UBE2E2: variants seen among roughly 807,000 people sequenced by gnomAD.
The protein encoded by UBE2E2 is ubiquitin-conjugating enzyme E2 E2.
Under a neutral mutation model 24.7 loss-of-function variants are expected in UBE2E2, and 6 were observed. The observed-to-expected ratio is 0.24, with a 90% CI of 0.13 to 0.48. UBE2E2 has a LOEUF of 0.48. Ranked by LOEUF, UBE2E2 falls within the 20% of genes least tolerant of loss-of-function variation. UBE2E2 has a pLI of 0.99. For synonymous variants in UBE2E2, 104 were observed against 83.6 expected (o/e 1.24, Z -1.33); for missense variants, 169 against 245.0 (o/e 0.69, Z 2.07).
chr3:23,583,247 G>C lies in UBE2E2; in HGVS notation c.509-6487G>C, dbSNP rs1238607653. 6.6e-6 allele frequency among the ~76,000 whole-genome samples: 1 copy of C among 152,020 alleles called. No homozygotes were observed. Among genetic ancestry groups the C allele is most frequent in the East Asian group, 1.9e-4 (1 of 5,186 alleles). On this transcript the variant is annotated intron_variant, in intron 5 of 5. Coordinates refer to ENST00000396703, the MANE Select transcript of UBE2E2 (RefSeq NM_152653.4). The surrounding 1 kb of genome is among the most constrained non-coding windows in gnomAD (Gnocchi z 4.1). ...AAAGATCAGATGGTCGTAAATATGTGGCATTATTTCTGGGCTCTTTATTTT... is the reference window on the plus strand; with the variant it reads ...AAAGATCAGATGGTCGTAAATATGTCGCATTATTTCTGGGCTCTTTATTTT...
chr3:23,273,389 G>T (rs1252414913), intron 3 of UBE2E2, among the ~76,000 whole-genome samples: 3 of 152,130 alleles, frequency 2.0e-5, no homozygotes, highest in Non-Finnish European at 2.9e-5. Context: ...AAATTAGCCG[G>T]GCGTGATGGC....
At chr3:23,357,863 A>G (rs796526114) in intron 3 of UBE2E2, among the ~76,000 whole-genome samples, 3 of 152,222 alleles carry the variant, frequency 2.0e-5, no homozygotes, top group African/African-American at 7.2e-5. Context: ...TTTTGACACA[A>G]GGTCTCACGC....
At chr3:23,263,758 C>T (rs1697965406) in intron 3 of UBE2E2, among the ~76,000 whole-genome samples, 1 of 152,098 alleles carries the variant, frequency 6.6e-6, no homozygotes, top group Non-Finnish European at 1.5e-5. Context: ...CATTGAAAGT[C>T]CTGACTTCAT....
At chr3:23,234,924 G>A (rs1187937229) in intron 3 of UBE2E2, among the ~76,000 whole-genome samples, 1 of 152,272 alleles carries the variant, frequency 6.6e-6, no homozygotes, top group East Asian at 1.9e-4. Context: ...TTGAAAGAAT[G>A]TCAGGCGCTG....
At chr3:23,429,224 C>T (rs1237864869) in intron 3 of UBE2E2, among the ~76,000 whole-genome samples, 1 of 152,128 alleles carries the variant, frequency 6.6e-6, no homozygotes, top group Non-Finnish European at 1.5e-5. Context: ...AGAAATTATA[C>T]CAATTTTCTC....
chr3:23,223,627 G>A (rs1559445637), intron 3 of UBE2E2, among the ~76,000 whole-genome samples: 1 of 152,068 alleles, frequency 6.6e-6, no homozygotes, highest in Non-Finnish European at 1.5e-5. Context: ...TCTGTGTGTT[G>A]TCTCTTCACT....
Position 23,293,028 on chromosome 3 carries a change from G to A in UBE2E2, c.227+75716G>A, listed in dbSNP as rs145027823. Among the ~76,000 whole-genome samples, 658 of 152,244 alleles carry A rather than the reference G, an allele frequency of 4.3e-3. 2 individuals are homozygous for A. The highest frequency in any genetic ancestry group is 0.014 in the Middle Eastern group (4 of 294). On this transcript the variant is annotated intron_variant, in intron 3 of 5. Coordinates refer to ENST00000396703, the MANE Select transcript of UBE2E2 (RefSeq NM_152653.4). ...GTGGAGATTGCAGTGAGCCAAGATT[G>A]CACCATTGCACTCCAGCCTGGGCAA... is the stretch of plus-strand genomic sequence containing the variant.
At chr3:23,382,080 T>A (rs1575596565) in intron 3 of UBE2E2, among the ~76,000 whole-genome samples, 1 of 152,342 alleles carries the variant, frequency 6.6e-6, no homozygotes, top group South Asian at 2.1e-4. Context: ...TAATTTTACT[T>A]ATGATTGTCA....
intron 3 of UBE2E2, among the ~76,000 whole-genome samples, chr3:23,247,281 G>A (rs1697437349): frequency 2.6e-5 from 4 of 151,492 alleles, no homozygotes; most frequent in African/African-American, 7.3e-5. Context: ...TTCTGGTACT[G>A]TATTGTCTTA....
intron 3 of UBE2E2, among the ~76,000 whole-genome samples, chr3:23,466,500 A>C (rs1262060744): frequency 2.0e-5 from 3 of 152,214 alleles, no homozygotes; most frequent in African/African-American, 7.2e-5. Flanking sequence ...TATTTTGTCC[A>C]GCTTCAAAAC....
chr3:23,365,025 G>C (rs370608327), intron 3 of UBE2E2, among the ~76,000 whole-genome samples: 2 of 152,154 alleles, frequency 1.3e-5, no homozygotes, highest in East Asian at 3.9e-4. Flanking sequence ...AAAATCACAT[G>C]ATCCTCTAAA....
chr3:23,331,411 A>C (rs1695054384), intron 3 of UBE2E2, among the ~76,000 whole-genome samples: 1 of 152,184 alleles, frequency 6.6e-6, no homozygotes, highest in Non-Finnish European at 1.5e-5. Flanking sequence ...AAAATGAACA[A>C]ATAAACTATA....
intron 3 of UBE2E2, among the ~76,000 whole-genome samples, chr3:23,316,769 G>A (rs1230382135): frequency 6.6e-6 from 1 of 152,034 alleles, no homozygotes; most frequent in Non-Finnish European, 1.5e-5. Flanking sequence ...TACTACCTTG[G>A]CTACTGCTGC....
chr3:23,309,769 G>C (rs1694307040), intron 3 of UBE2E2, among the ~76,000 whole-genome samples: 1 of 152,174 alleles, frequency 6.6e-6, no homozygotes, highest in Non-Finnish European at 1.5e-5. Flanking sequence ...CTACTTTCAA[G>C]TTAGCTCAGT....
intron 3 of UBE2E2, among the ~76,000 whole-genome samples, chr3:23,482,686 C>T (rs1411119373): frequency 6.6e-6 from 1 of 151,958 alleles, no homozygotes; most frequent in East Asian, 1.9e-4. Flanking sequence ...AACACAAAGC[C>T]TAATTCTTTC....
At chr3:23,384,732 G>A (rs192718931) in intron 3 of UBE2E2, among the ~76,000 whole-genome samples, 4 of 151,534 alleles carry the variant, frequency 2.6e-5, no homozygotes, top group East Asian at 2.0e-4. Context: ...TATTAGAGAC[G>A]GGGTTTCACC....
At chr3:23,300,883 C>G (rs1441804475) in intron 3 of UBE2E2, among the ~76,000 whole-genome samples, 2 of 152,106 alleles carry the variant, frequency 1.3e-5, no homozygotes, top group African/African-American at 4.8e-5. Flanking sequence ...GAGTGTTTTC[C>G]CACTTGGTTC....
rs143947865 is a variant in UBE2E2 at position 23,390,858 on chromosome 3, A to T, written c.228-108750A>T. On this transcript the variant is annotated intron_variant, in intron 3 of 5. Coordinates refer to ENST00000396703, the MANE Select transcript of UBE2E2 (RefSeq NM_152653.4). ...TTGTTGTATATGAACATGACAAGAA[A>T]CATCATTATATCTTTGCTTTTGGCG... Among the ~76,000 whole-genome samples the T allele has an allele frequency of 8.1e-3, 1,234 of 152,328 alleles. 15 individuals are homozygous for T. The highest frequency in any genetic ancestry group is 0.027 in the African/African-American group (1,136 of 41,566).
chr3:23,391,557 T>C (rs1696934785), intron 3 of UBE2E2, among the ~76,000 whole-genome samples: 1 of 152,208 alleles, frequency 6.6e-6, no homozygotes, highest in Non-Finnish European at 1.5e-5. Flanking sequence ...TGCATTTGGA[T>C]TTTTAGTTGA....
Sources: gnomAD v4.1 joint callset for allele counts (sites outside exome capture counted in the v4.1 genomes callset) on GRCh38, gnomAD v4.1.1 for gene constraint, Gnocchi (gnomAD v3.1) non-coding constraint, MANE v1.5 for transcripts, NCBI Gene and HGNC (gene_info 2026-07-23, HGNC 2026-07-21) for gene names.